SIK3: variants seen among roughly 807,000 people sequenced by gnomAD.
SIK3 encodes SIK family kinase 3, also known as serine/threonine-protein kinase SIK3.
A neutral mutation model predicts 144.2 loss-of-function variants in SIK3; 28 were observed. The ratio of observed to expected loss-of-function variants is 0.19; its 90% CI spans 0.14 to 0.27. The LOEUF (loss-of-function observed/expected upper bound fraction) is 0.27, where lower values mean the gene tolerates loss of function less well. Among genes scored for constraint, SIK3 ranks in the 10% least tolerant of loss-of-function variants. The probability of loss-of-function intolerance (pLI) is 1.00; values close to 1 mark genes in which losing one functional copy is unlikely to be tolerated. For missense variants in SIK3, 1,319 were observed against 1,776.0 expected (o/e 0.74, Z 4.62); for synonymous variants, 686 against 676.3 (o/e 1.01, Z -0.22).
At chr11:116,865,073 G>A (rs930526865) in intron 15 of SIK3, 6 of 152,102 alleles carry the variant, frequency 3.9e-5, no homozygotes, top group African/African-American at 1.2e-4. Context: ...TGAATTTGGC[G>A]GGCCACAATC....
chr11:116,880,622 A>G (rs1039274823), intron 6 of SIK3, among the ~76,000 whole-genome samples: 3 of 152,226 alleles, frequency 2.0e-5, no homozygotes, highest in Admixed American at 2.0e-4. Context: ...CATGTAGTTC[A>G]TGAAATTAAA....
chr11:117,036,934 ATG>A (rs1952531191), intron 1 of SIK3, among the ~76,000 whole-genome samples: 1 of 152,168 alleles, frequency 6.6e-6, no homozygotes, highest in South Asian at 2.1e-4. Context: ...CAAAATTTAA[ATG>A]TGTTTTATAC....
rs756440285 is a variant in SIK3 at position 116,919,311 on chromosome 11, A to AAATGGT, written c.616+7902_616+7907dup. ...TTTAATTTCTCCCTAAAAAATAATAAAATGGTCTAGCTCTCACTGCATTAA... is the reference window on the plus strand; with the variant it reads ...TTTAATTTCTCCCTAAAAAATAATAAAATGGTAATGGTCTAGCTCTCACTGCATTAA... On this transcript the variant is annotated intron_variant, in intron 4 of 24. Transcript: ENST00000445177. Among the ~76,000 whole-genome samples, 3 of 152,162 alleles carry AAATGGT rather than the reference A, an allele frequency of 2.0e-5. No homozygotes were observed. In the South Asian group the frequency reaches 6.2e-4, roughly 32 times the overall value.
At chr11:116,918,324 T>TC (rs1178049466) in intron 4 of SIK3, among the ~76,000 whole-genome samples, 2 of 152,134 alleles carry the variant, frequency 1.3e-5, no homozygotes, top group African/African-American at 4.8e-5. Flanking sequence ...TCCGCTCAAC[T>TC]CCCTTTCCCT....
chr11:116,873,287 CTAAG>C (rs1420271365), intron 13 of SIK3, among the ~76,000 whole-genome samples, 190 bp downstream of exon 13: 4 of 152,182 alleles, frequency 2.6e-5, no homozygotes, highest in Admixed American at 6.5e-5. Flanking sequence ...AATAACTTGG[CTAAG>C]TAAGTAAGTT....
chr11:116,850,159 A>G (rs1027493997), intron 21 of SIK3, among the ~76,000 whole-genome samples: 4 of 152,084 alleles, frequency 2.6e-5, no homozygotes, highest in African/African-American at 9.7e-5. Context: ...TCTCATGGAA[A>G]CCTGATTACC....
intron 21 of SIK3, among the ~76,000 whole-genome samples, chr11:116,853,540 C>A (rs914424761): frequency 6.6e-6 from 1 of 152,252 alleles, no homozygotes; most frequent in Non-Finnish European, 1.5e-5. Context: ...GCAACCTGCA[C>A]AATTCTCTAT....
At position 117,001,372 on chromosome 11, in the gene SIK3, G is replaced by A. The variant is rs189937594; in HGVS notation, c.274-44308C>T. ...ACTACAAAAATTAGCCAGGCATGGCGGTGTGCACCTATATTCCCAGCTACT... is the reference window on the plus strand; with the variant it reads ...ACTACAAAAATTAGCCAGGCATGGCAGTGTGCACCTATATTCCCAGCTACT... On this transcript the variant is annotated intron_variant, in intron 1 of 24. Coordinates refer to ENST00000445177, the MANE Select transcript of SIK3 (RefSeq NM_001366686.3). Among the ~76,000 whole-genome samples, 346 of 152,216 alleles carry A rather than the reference G, an allele frequency of 2.3e-3. 3 individuals are homozygous for A. The highest frequency in any genetic ancestry group is 7.8e-3 in the African/African-American group (323 of 41,526).
intron 5 of SIK3, among the ~76,000 whole-genome samples, 166 bp downstream of exon 5, chr11:116,897,027 A>C (rs1591261395): frequency 5.2e-4 from 1 of 1,928 alleles, no homozygotes; most frequent in East Asian, 0.017. Context: ...ACTCTGTTTC[A>C]AAAAAAAAAA....
At chr11:117,025,162 T>G (rs1403259995) in intron 1 of SIK3, among the ~76,000 whole-genome samples, 3 of 152,102 alleles carry the variant, frequency 2.0e-5, no homozygotes, top group Non-Finnish European at 2.9e-5. Context: ...TTTCCCTATA[T>G]TTCAATCTTC....
intron 1 of SIK3, among the ~76,000 whole-genome samples, chr11:117,065,167 A>C (rs534535473): frequency 9.3e-5 from 14 of 150,106 alleles, no homozygotes; most frequent in Admixed American, 4.7e-4. Context: ...TAATAATAAT[A>C]ATAATAACAA....
At chr11:116,852,050 G>A (rs1271174225) in intron 21 of SIK3, among the ~76,000 whole-genome samples, 1 of 152,214 alleles carries the variant, frequency 6.6e-6, no homozygotes, top group Non-Finnish European at 1.5e-5. Context: ...TCTCCGCAAG[G>A]ACAAACATGA....
chr11:117,096,182 A>G (rs889194753), intron 1 of SIK3, among the ~76,000 whole-genome samples: 3 of 152,242 alleles, frequency 2.0e-5, no homozygotes, highest in Non-Finnish European at 4.4e-5. Context: ...CCAAGAATCA[A>G]CTGTTTGCAA....
In SIK3 at chr11:116,849,485, A is replaced by G. The variant is rs1256759433; in HGVS notation, c.3656-202T>C. ...GACGAGCTGTAGGGGAGGGGACCAC[A>G]CCCTTAGGGAAAAAATTCCACGTAA... On this transcript the variant is annotated intron_variant, in intron 21 of 24. Coordinates refer to ENST00000445177, the MANE Select transcript of SIK3 (RefSeq NM_001366686.3). This position sits in a 1 kb window ranked among gnomAD's most constrained non-coding sequence, Gnocchi z 4.2. Among the ~76,000 whole-genome samples, 1 of 151,970 alleles carries G rather than the reference A, an allele frequency of 6.6e-6. No homozygotes were observed. The highest frequency in any genetic ancestry group is 1.5e-5 in the Non-Finnish European group (1 of 67,962).
intron 2 of SIK3, among the ~76,000 whole-genome samples, chr11:116,954,312 G>T (rs145137796): frequency 4.1e-4 from 62 of 152,242 alleles, no homozygotes; most frequent in Middle Eastern, 3.4e-3. Flanking sequence ...CTTAAAAGTA[G>T]GAAACATTTA....
Position 116,853,410 on chromosome 11 carries a change from G to A in SIK3, c.3656-4127C>T, listed in dbSNP as rs532871828. 8.8e-4 allele frequency among the ~76,000 whole-genome samples: 134 copies of A among 152,274 alleles called. 1 individual carries two copies. Among genetic ancestry groups the A allele is most frequent in the African/African-American group, 3.2e-3 (131 of 41,542 alleles). Reference sequence around the variant, plus strand: ...GATGGTTCCCAAGAGCTACATGCTCGAATATTTATCAAACTAAAGCTAAGA... The same window carrying A: ...GATGGTTCCCAAGAGCTACATGCTCAAATATTTATCAAACTAAAGCTAAGA... On this transcript the variant is annotated intron_variant, in intron 21 of 24. Transcript: ENST00000445177.
At chr11:116,969,019 G>A (rs999140503) in intron 1 of SIK3, among the ~76,000 whole-genome samples, 4 of 152,196 alleles carry the variant, frequency 2.6e-5, no homozygotes, top group Non-Finnish European at 4.4e-5. Context: ...CGGCCGACGC[G>A]GTGGCTCATG....
intron 1 of SIK3, among the ~76,000 whole-genome samples, chr11:117,023,897 T>G (rs1028537153): frequency 6.6e-6 from 1 of 152,084 alleles, no homozygotes; most frequent in Non-Finnish European, 1.5e-5. Context: ...CAGGCTGGTC[T>G]TGAACTCCTG....
chr11:116,938,097 CGGG>C (rs1948016681), intron 3 of SIK3, among the ~76,000 whole-genome samples: 2 of 150,574 alleles, frequency 1.3e-5, no homozygotes, highest in Non-Finnish European at 3.0e-5. Context: ...CCCAGCTACT[CGGG>C]AGGCTGAGGC....
Sources: gnomAD v4.1 joint callset for allele counts (sites outside exome capture counted in the v4.1 genomes callset) on GRCh38, gnomAD v4.1.1 for gene constraint, Gnocchi (gnomAD v3.1) non-coding constraint, MANE v1.5 for transcripts, NCBI Gene and HGNC (gene_info 2026-07-23, HGNC 2026-07-21) for gene names.